Variants in OTUD7A observed in about 807,000 individuals in gnomAD.
OTUD7A encodes the protein OTU domain-containing protein 7A.
OTUD7A carries 12 observed loss-of-function variants against 65.7 expected under a neutral mutation model. That is an observed-to-expected ratio of 0.18 (90% confidence interval 0.12 to 0.30). The LOEUF (loss-of-function observed/expected upper bound fraction) is 0.30. Among genes scored for constraint, OTUD7A ranks in the 10% least tolerant of loss-of-function variants. The pLI, the probability that OTUD7A is intolerant of heterozygous loss-of-function variation, is 1.00. For synonymous variants in OTUD7A, 641 were observed against 586.3 expected (o/e 1.09, Z -1.35); for missense variants, 1,148 against 1,304.8 (o/e 0.88, Z 1.85).
At chr15:31,810,352 T>C (rs1165118429) in intron 1 of OTUD7A, among the ~76,000 whole-genome samples, 1 of 152,180 alleles carries the variant, frequency 6.6e-6, no homozygotes, top group African/African-American at 2.4e-5. Context: ...GCCACCAACA[T>C]GACTGCATTT....
intron 8 of OTUD7A, among the ~76,000 whole-genome samples, chr15:31,510,395 C>G (rs1482744301): frequency 6.6e-6 from 1 of 150,764 alleles, no homozygotes; most frequent in Non-Finnish European, 1.5e-5. Flanking sequence ...TTTTCCCCTT[C>G]CCCTAGAGGA....
intron 1 of OTUD7A, among the ~76,000 whole-genome samples, chr15:31,658,217 T>C (rs1451964790): frequency 6.6e-6 from 1 of 152,192 alleles, no homozygotes; most frequent in African/African-American, 2.4e-5. Context: ...GCACAAAATG[T>C]ACTGGCCCAT....
intron 3 of OTUD7A, among the ~76,000 whole-genome samples, chr15:31,623,585 T>A (rs1890865442): frequency 6.6e-6 from 1 of 152,252 alleles, no homozygotes; most frequent in Non-Finnish European, 1.5e-5. Context: ...TATAATCTCC[T>A]GGTGTTCCAT....
chr15:31,545,400 A>G (rs573494535), intron 5 of OTUD7A, among the ~76,000 whole-genome samples: 15 of 152,082 alleles, frequency 9.9e-5, no homozygotes, highest in African/African-American at 2.2e-4. Flanking sequence ...AAGTAAGGGG[A>G]AAAAAAAGGT....
intron 1 of OTUD7A, among the ~76,000 whole-genome samples, chr15:31,781,211 T>G (rs1895530283): frequency 6.6e-6 from 1 of 152,220 alleles, no homozygotes. Context: ...GGATGGGTGA[T>G]GCAGCCTCGT....
At chr15:31,754,150 C>A (rs1013226836) in intron 1 of OTUD7A, among the ~76,000 whole-genome samples, 7 of 152,002 alleles carry the variant, frequency 4.6e-5, no homozygotes, top group African/African-American at 1.7e-4. Context: ...TGATTGTTGG[C>A]CATTTGTATA....
At chr15:31,539,031 G>C (rs1419792187) in intron 5 of OTUD7A, among the ~76,000 whole-genome samples, 1 of 152,134 alleles carries the variant, frequency 6.6e-6, no homozygotes. Context: ...CTCTGCCACC[G>C]GTTCTGGGGA....
At chr15:31,701,836 A>C (rs1893220572) in intron 1 of OTUD7A, among the ~76,000 whole-genome samples, 1 of 152,146 alleles carries the variant, frequency 6.6e-6, no homozygotes, top group Non-Finnish European at 1.5e-5. Flanking sequence ...AACCAGACAA[A>C]CCCAATGTAA....
intron 1 of OTUD7A, among the ~76,000 whole-genome samples, chr15:31,676,963 C>G (rs1892608003): frequency 6.6e-6 from 1 of 152,238 alleles, no homozygotes; most frequent in East Asian, 1.9e-4. Flanking sequence ...ATAAAGTGTG[C>G]TGGAGACCCT....
At chr15:31,538,770 T>C (rs886733773) in intron 5 of OTUD7A, among the ~76,000 whole-genome samples, 1 of 152,104 alleles carries the variant, frequency 6.6e-6, no homozygotes, top group Non-Finnish European at 1.5e-5. Flanking sequence ...TCTGCCATAT[T>C]TGCACCAGCA....
chr15:31,700,581 C>T (rs1474769230), intron 1 of OTUD7A, among the ~76,000 whole-genome samples: 1 of 152,230 alleles, frequency 6.6e-6, no homozygotes, highest in Non-Finnish European at 1.5e-5. Context: ...GTATCTCTCA[C>T]TCCTCACCTC....
At chr15:31,739,351 C>T (rs1052430954) in intron 1 of OTUD7A, among the ~76,000 whole-genome samples, 8 of 152,116 alleles carry the variant, frequency 5.3e-5, no homozygotes, top group Non-Finnish European at 8.8e-5. Flanking sequence ...TGGATATTCA[C>T]TCTTGGTTGT....
At chr15:31,688,193 C>T (rs979255335) in intron 1 of OTUD7A, among the ~76,000 whole-genome samples, 1 of 144,022 alleles carries the variant, frequency 6.9e-6, no homozygotes, top group Non-Finnish European at 1.5e-5. Context: ...TCCAGCCTGG[C>T]GACAGAGCGA....
chr15:31,538,320 C>G (rs1887872868), intron 5 of OTUD7A, among the ~76,000 whole-genome samples: 1 of 152,146 alleles, frequency 6.6e-6, no homozygotes, highest in South Asian at 2.1e-4. Context: ...AGCTGCCAGC[C>G]CTGCCATGAA....
intron 3 of OTUD7A, among the ~76,000 whole-genome samples, chr15:31,624,293 A>G (rs1002533138): frequency 6.6e-6 from 1 of 152,262 alleles, no homozygotes; most frequent in Non-Finnish European, 1.5e-5. Context: ...AATCAGCAAA[A>G]TAATTCATGC....
At chr15:31,588,771 G>A (rs78913081) in intron 3 of OTUD7A, among the ~76,000 whole-genome samples, 2,103 of 152,344 alleles carry the variant, frequency 0.014, 22 homozygotes, top group Middle Eastern at 0.024. Flanking sequence ...TGCCTGGGCG[G>A]CAGCAGCCCA....
At chr15:31,728,931 GA>G (rs1226617056) in intron 1 of OTUD7A, among the ~76,000 whole-genome samples, 2 of 152,226 alleles carry the variant, frequency 1.3e-5, no homozygotes, top group Non-Finnish European at 1.5e-5. Context: ...GCTAAAAACA[GA>G]TGTGTATACA....
At chr15:31,833,103 A>C (rs142837275) in intron 1 of OTUD7A, among the ~76,000 whole-genome samples, 225 of 152,316 alleles carry the variant, frequency 1.5e-3, no homozygotes, top group African/African-American at 5.1e-3. Context: ...GGCCATCCTA[A>C]TGGGTGTGCA....
intron 1 of OTUD7A, among the ~76,000 whole-genome samples, chr15:31,816,581 C>A (rs1157918876): frequency 6.6e-6 from 1 of 151,576 alleles, no homozygotes; most frequent in Non-Finnish European, 1.5e-5. Flanking sequence ...GTAGTCCCAG[C>A]AACTCAGGAG....
Sources: gnomAD v4.1 joint callset for allele counts (sites outside exome capture counted in the v4.1 genomes callset) on GRCh38, gnomAD v4.1.1 for gene constraint, MANE v1.5 for transcripts, NCBI Gene and HGNC (gene_info 2026-07-23, HGNC 2026-07-21) for gene names.